The following USP54 variants were observed in gnomAD, a reference collection of about 807,000 sequenced individuals.
USP54 encodes ubiquitin carboxyl-terminal hydrolase 54.
In USP54, 87 loss-of-function variants were observed where a neutral mutation model predicts 170.5. That is an observed-to-expected ratio of 0.51 (90% confidence interval 0.43 to 0.61). The LOEUF is 0.61. USP54 is among the 20% of genes least tolerant of loss of function. The probability of loss-of-function intolerance (pLI) is 0.00; values close to 1 mark genes in which losing one functional copy is unlikely to be tolerated. For missense variants in USP54, 1,786 were observed against 2,047.8 expected, an observed-to-expected ratio of 0.87 and a Z score of 2.47; for synonymous variants, 655 against 742.8, an observed-to-expected ratio of 0.88 and a Z score of 1.92.
chr10:73,581,444 C>T (rs1216475995), intron 1 of USP54, among the ~76,000 whole-genome samples: 1 of 152,164 alleles, frequency 6.6e-6, no homozygotes, highest in African/African-American at 2.4e-5. Flanking sequence ...TGCAGTGCCT[C>T]ACATCCAGAG....
intron 1 of USP54, among the ~76,000 whole-genome samples, chr10:73,597,243 C>A (rs940214397): frequency 6.6e-6 from 1 of 152,132 alleles, no homozygotes; most frequent in Non-Finnish European, 1.5e-5. Context: ...CAGAACAAAC[C>A]CTCTTCTTGC....
chr10:73,609,228 G>T (rs1206826295), intron 1 of USP54, among the ~76,000 whole-genome samples: 1 of 152,094 alleles, frequency 6.6e-6, no homozygotes, highest in East Asian at 1.9e-4. Context: ...GAAAGAAATG[G>T]CAAAAAAGAA....
intron 4 of USP54, among the ~76,000 whole-genome samples, chr10:73,555,139 A>T (rs1457653418): frequency 6.6e-6 from 1 of 152,198 alleles, no homozygotes; most frequent in Non-Finnish European, 1.5e-5. Context: ...TCATTATCAC[A>T]CACACCCCAA....
At chr10:73,504,654 T>G (rs1012180754) in intron 22 of USP54, 196 bp downstream of exon 22, 1 of 718,056 alleles carries the variant, frequency 1.4e-6, no homozygotes, top group East Asian at 2.8e-5. Flanking sequence ...AACTGCTACA[T>G]GGAATGGACA....
chr10:73,607,334 A>T (rs1279598889), intron 1 of USP54, among the ~76,000 whole-genome samples: 11 of 78,740 alleles, frequency 1.4e-4, no homozygotes, highest in Admixed American at 1.0e-3. Flanking sequence ...AAAAAAAAAA[A>T]AAGAAAAAAA....
intron 1 of USP54, among the ~76,000 whole-genome samples, chr10:73,596,859 C>T (rs995525149): frequency 6.6e-6 from 1 of 151,902 alleles, no homozygotes; most frequent in African/African-American, 2.4e-5. Flanking sequence ...CCATAAGGTG[C>T]TTCCTTTAAG....
intron 11 of USP54, 26 bp downstream of exon 11, chr10:73,536,243 G>A (rs1270227068): frequency 6.2e-7 from 1 of 1,612,582 alleles, no homozygotes; most frequent in African/African-American, 1.3e-5. Flanking sequence ...GAGGAGAGAG[G>A]AGAGGTAAAG....
chr10:73,521,365 G>A (rs2061867772), intron 17 of USP54, among the ~76,000 whole-genome samples: 1 of 152,180 alleles, frequency 6.6e-6, no homozygotes, highest in Non-Finnish European at 1.5e-5. Context: ...AGTCCCTCAA[G>A]GAAAGAACAA....
chr10:73,618,311 G>A (rs751570471), intron 1 of USP54, among the ~76,000 whole-genome samples: 1 of 150,560 alleles, frequency 6.6e-6, no homozygotes, highest in East Asian at 1.9e-4. Flanking sequence ...GACTGAGGCT[G>A]GAGTGTAGTG....
At chr10:73,552,725 A>G (rs1461791789) in intron 4 of USP54, among the ~76,000 whole-genome samples, 1 of 152,204 alleles carries the variant, frequency 6.6e-6, no homozygotes, top group African/African-American at 2.4e-5. Flanking sequence ...CGGGAGGTGG[A>G]GGCTGCAGTA....
At chr10:73,531,763 T>C (rs1806796236) in intron 12 of USP54, among the ~76,000 whole-genome samples, 1 of 152,220 alleles carries the variant, frequency 6.6e-6, no homozygotes, top group Non-Finnish European at 1.5e-5. Context: ...TTAATACTAA[T>C]CACTGGGAAA....
chr10:73,512,119 C>G (rs1408024508), intron 20 of USP54, among the ~76,000 whole-genome samples: 1 of 151,922 alleles, frequency 6.6e-6, no homozygotes, highest in Non-Finnish European at 1.5e-5. Context: ...TCTATCTGAT[C>G]ACTTCTTTAT....
intron 12 of USP54, among the ~76,000 whole-genome samples, chr10:73,531,203 A>G (rs1022062109): frequency 2.0e-5 from 3 of 151,986 alleles, no homozygotes; most frequent in Admixed American, 6.6e-5. Flanking sequence ...AGGCTAAGGC[A>G]TTAGAATCAC....
In USP54 at chr10:73,529,670, C is replaced by G; in HGVS notation, c.2060+10G>C. 6.2e-7 allele frequency: 1 copy of G among 1,614,172 alleles called. No individual in the cohort carries two copies. Among genetic ancestry groups the G allele is most frequent in the Non-Finnish European group, 8.5e-7 (1 of 1,180,012 alleles). Reference sequence around the variant, plus strand: ...AGAGACAATGTTGCTGTTCAAAGGCCAAACAATACCTGTAGACATTTGAGC... The same window carrying G: ...AGAGACAATGTTGCTGTTCAAAGGCGAAACAATACCTGTAGACATTTGAGC... On this transcript the variant is annotated intron_variant, in intron 15 of 23. Coordinates refer to ENST00000687698, the MANE Select transcript of USP54 (RefSeq NM_001391956.1).
intron 4 of USP54, among the ~76,000 whole-genome samples, chr10:73,553,750 C>G (rs1046649716): frequency 3.9e-5 from 6 of 152,180 alleles, no homozygotes; most frequent in Non-Finnish European, 5.9e-5. Flanking sequence ...GAAAATCCAC[C>G]TTGGAGTTTC....
chr10:73,525,068 G>C (rs963393600), intron 16 of USP54, among the ~76,000 whole-genome samples: 1 of 152,140 alleles, frequency 6.6e-6, no homozygotes, highest in African/African-American at 2.4e-5. Flanking sequence ...AATAAATTAA[G>C]TGAAAAATTG....
chr10:73,498,872 G>A lies in USP54; in HGVS notation c.4812C>T (p.Tyr1604=). The change falls in exon 24 of 24, where the codon TAC becomes TAT. Residue 1604 remains tyrosine, a synonymous_variant. Coordinates refer to ENST00000687698, the MANE Select transcript of USP54 (RefSeq NM_001391956.1). ...PSHPPIVHPV[Y]PPSSSLHVPL... ...GTACATGAAGACTGCTAGATGGTGG[G>A]TACACAGGATGAACAATGGGAGGGT... 5 of 1,296,828 alleles carry A rather than the reference G, an allele frequency of 3.9e-6. No homozygotes were observed. Among genetic ancestry groups the A allele is most frequent in the Non-Finnish European group, 5.4e-6 (5 of 929,810 alleles). 80.3% of individuals were successfully genotyped at this position (1,296,828 alleles called of 1,614,324 possible).
intron 22 of USP54, among the ~76,000 whole-genome samples, chr10:73,503,541 G>A (rs115072476): frequency 2.2e-3 from 330 of 152,290 alleles, no homozygotes; most frequent in African/African-American, 7.3e-3. Context: ...ACAGAAGTCA[G>A]AAGAAAGGAA....
At chr10:73,559,093 G>C (rs755560946) in intron 4 of USP54, among the ~76,000 whole-genome samples, 40 of 152,092 alleles carry the variant, frequency 2.6e-4, no homozygotes, top group Non-Finnish European at 5.1e-4. Flanking sequence ...GAGAAAGTTT[G>C]GAGTTTCCTG....
Sources: allele counts gnomAD v4.1 joint callset (sites outside exome capture counted in the v4.1 genomes callset), GRCh38; gene constraint gnomAD v4.1.1; transcripts MANE v1.5; gene names NCBI Gene and HGNC (gene_info 2026-07-23, HGNC 2026-07-21).